Variants in SSH2 observed in about 807,000 individuals in gnomAD.
SSH2 encodes the protein protein phosphatase Slingshot homolog 2.
Under a neutral mutation model 135.2 loss-of-function variants are expected in SSH2, and 37 were observed. The observed-to-expected ratio is 0.27, with a 90% CI of 0.21 to 0.36. The LOEUF (loss-of-function observed/expected upper bound fraction) is 0.36, where lower values mean the gene tolerates loss of function less well. SSH2 is among the 10% of genes least tolerant of loss of function. SSH2 has a pLI of 1.00. For missense variants in SSH2, 1,408 were observed against 1,765.3 expected (o/e 0.80, Z 3.63); for synonymous variants, 628 against 646.2 (o/e 0.97, Z 0.43).
chr17:29,894,546 T>C (rs1314379735), intron 1 of SSH2, among the ~76,000 whole-genome samples: 3 of 152,158 alleles, frequency 2.0e-5, no homozygotes, highest in Non-Finnish European at 2.9e-5. Context: ...ATAGCTGTTA[T>C]ACTATTTTTT....
intron 3 of SSH2, among the ~76,000 whole-genome samples, chr17:29,737,623 C>T (rs1475720429): frequency 6.6e-6 from 1 of 152,208 alleles, no homozygotes; most frequent in African/African-American, 2.4e-5. Context: ...TTCAACAAGT[C>T]ATTTAATCTC....
chr17:29,870,360 C>T (rs992711631), intron 1 of SSH2, among the ~76,000 whole-genome samples: 1 of 151,002 alleles, frequency 6.6e-6, no homozygotes, highest in African/African-American at 2.4e-5. Context: ...TGTGTGTATG[C>T]TTGCATGTCT....
chr17:29,895,737 C>CACATTTTATATATGAA (rs1567637970), intron 1 of SSH2, among the ~76,000 whole-genome samples: 1 of 74,956 alleles, frequency 1.3e-5, no homozygotes. Context: ...ATACACATTT[C>CACATTTTATATATGAA]ATATATAAAA....
chr17:29,885,779 C>G (rs1378161930), intron 1 of SSH2, among the ~76,000 whole-genome samples: 3 of 152,132 alleles, frequency 2.0e-5, no homozygotes, highest in Non-Finnish European at 4.4e-5. Context: ...GCAAGTCTCA[C>G]GAGATCTGAT....
chr17:29,711,157 G>A (rs767110069), intron 3 of SSH2, among the ~76,000 whole-genome samples: 2 of 152,180 alleles, frequency 1.3e-5, no homozygotes, highest in African/African-American at 2.4e-5. Context: ...ACTCATTAAC[G>A]ATAACCATCA....
At chr17:29,881,248 G>T (rs1323922284) in intron 1 of SSH2, among the ~76,000 whole-genome samples, 1 of 152,132 alleles carries the variant, frequency 6.6e-6, no homozygotes, top group Non-Finnish European at 1.5e-5. Context: ...TACACTGCCA[G>T]CATCTATACA....
intron 6 of SSH2, among the ~76,000 whole-genome samples, chr17:29,681,331 CAAAAAAAAAAAAAA>C (rs764461213): frequency 2.8e-4 from 4 of 14,338 alleles, no homozygotes; most frequent in East Asian, 2.4e-3. Flanking sequence ...GAGACTGTCT[CAAAAAAAAAAAAAA>C]AAAAAAAAAA....
intron 3 of SSH2, chr17:29,777,655 G>T: frequency 6.5e-6 from 1 of 154,744 alleles, no homozygotes; most frequent in Non-Finnish European, 1.4e-5. Context: ...CATTTGATCT[G>T]GTGTGCAATG....
At chr17:29,809,776 T>G (rs2042409606) in intron 2 of SSH2, among the ~76,000 whole-genome samples, 1 of 152,056 alleles carries the variant, frequency 6.6e-6, no homozygotes, top group South Asian at 2.1e-4. Flanking sequence ...CAGGCTGGTT[T>G]CGAACACCTG....
At chr17:29,709,687 T>A (rs976804340) in intron 3 of SSH2, among the ~76,000 whole-genome samples, 2 of 151,664 alleles carry the variant, frequency 1.3e-5, no homozygotes, top group African/African-American at 4.8e-5. Flanking sequence ...AAAAAAAAAA[T>A]GTAGAGTACA....
At chr17:29,682,950 T>C (rs866914269) in intron 6 of SSH2, among the ~76,000 whole-genome samples, 1 of 152,192 alleles carries the variant, frequency 6.6e-6, no homozygotes. Flanking sequence ...AGCTAATAAC[T>C]TTGGCTTTGG....
At chr17:29,685,678 A>G (rs1482126426) in intron 5 of SSH2, among the ~76,000 whole-genome samples, 2 of 151,292 alleles carry the variant, frequency 1.3e-5, no homozygotes, top group African/African-American at 4.8e-5. Flanking sequence ...AATCCCAGCT[A>G]CTTAGGAGGC....
At chr17:29,750,450 A>AAC (rs1222326236) in intron 3 of SSH2, among the ~76,000 whole-genome samples, 1 of 151,602 alleles carries the variant, frequency 6.6e-6, no homozygotes, top group African/African-American at 2.4e-5. Context: ...AAAAAAAAAA[A>AAC]AAATTTTTTT....
intron 10 of SSH2, 22 bp from the exon 11 acceptor site, chr17:29,667,017 G>A (rs549261699): frequency 6.2e-7 from 1 of 1,613,810 alleles, no homozygotes; most frequent in African/African-American, 1.3e-5. Flanking sequence ...ATGATATATT[G>A]GACCCATCTC....
chr17:29,789,645 T>G (rs2042031488), intron 3 of SSH2, among the ~76,000 whole-genome samples: 1 of 151,728 alleles, frequency 6.6e-6, no homozygotes, highest in Admixed American at 6.6e-5. Flanking sequence ...GCAAGCAGAG[T>G]TGTGTGGGCA....
intron 2 of SSH2, among the ~76,000 whole-genome samples, chr17:29,807,191 G>T (rs1437634121): frequency 6.6e-6 from 1 of 152,214 alleles, no homozygotes; most frequent in Non-Finnish European, 1.5e-5. Flanking sequence ...TAAATGAACA[G>T]CATAATTTTC....
chr17:29,858,511 G>C (rs911408680), intron 1 of SSH2, among the ~76,000 whole-genome samples: 7 of 152,130 alleles, frequency 4.6e-5, no homozygotes, highest in African/African-American at 1.7e-4. Context: ...TAGTAACCTA[G>C]GGGTGGTTCC....
At chr17:29,735,360 G>A (rs758387586) in intron 3 of SSH2, among the ~76,000 whole-genome samples, 1 of 152,142 alleles carries the variant, frequency 6.6e-6, no homozygotes, top group Non-Finnish European at 1.5e-5. Flanking sequence ...ATGAATGGGA[G>A]TTGCACAGGT....
At chr17:29,753,313 A>G (rs986256180) in intron 3 of SSH2, among the ~76,000 whole-genome samples, 2 of 151,602 alleles carry the variant, frequency 1.3e-5, no homozygotes, top group African/African-American at 4.8e-5. Flanking sequence ...GTATTTTTGT[A>G]GAGATGGGGT....
Sources: gnomAD v4.1 joint callset for allele counts (sites outside exome capture counted in the v4.1 genomes callset) on GRCh38, gnomAD v4.1.1 for gene constraint, MANE v1.5 for transcripts, NCBI Gene and HGNC (gene_info 2026-07-23, HGNC 2026-07-21) for gene names.